The following CYTH1 variants were observed in gnomAD, a reference collection of about 807,000 sequenced individuals.
The protein encoded by CYTH1 is cytohesin 1, also known as cytohesin-1.
A neutral mutation model predicts 61.8 loss-of-function variants in CYTH1; 18 were observed. The ratio of observed to expected loss-of-function variants is 0.29; its 90% CI spans 0.20 to 0.43. CYTH1 has a LOEUF of 0.43. Ranked by LOEUF, CYTH1 falls within the 20% of genes least tolerant of loss-of-function variation. CYTH1 has a pLI of 1.00. For missense variants in CYTH1, 336 were observed against 510.5 expected (o/e 0.66, Z 3.29); for synonymous variants, 174 against 184.3 (o/e 0.94, Z 0.45).
intron 1 of CYTH1, among the ~76,000 whole-genome samples, chr17:78,748,758 C>T (rs2093368606): frequency 6.6e-6 from 1 of 152,120 alleles, no homozygotes; most frequent in South Asian, 2.1e-4. Flanking sequence ...GCTTTTGTCC[C>T]TTGTTGCTTT....
At chr17:78,752,708 C>T (rs776581552) in intron 1 of CYTH1, among the ~76,000 whole-genome samples, 1 of 152,160 alleles carries the variant, frequency 6.6e-6, no homozygotes, top group Non-Finnish European at 1.5e-5. Flanking sequence ...AGATTACAGG[C>T]GTGAGCCACT....
chr17:78,721,865 G>C (rs2144539839), intron 1 of CYTH1, among the ~76,000 whole-genome samples: 1 of 152,192 alleles, frequency 6.6e-6, no homozygotes, highest in Middle Eastern at 3.4e-3. Context: ...CCAACACGGT[G>C]AAAAACCCCA....
rs369284044 is a variant in CYTH1, at chr17:78,737,501, A to G, written c.23-27769T>C. Among the ~76,000 whole-genome samples the G allele has an allele frequency of 9.2e-5, 14 of 152,070 alleles. No individual in the cohort carries two copies. In the East Asian group the frequency reaches 2.7e-3, roughly 29 times the overall value. ...CATTAAAATCCCTGGTCCCCTCACA[A>G]TGAGATAATAGCCCATTTCCCAAGA... On this transcript the variant is annotated intron_variant, in intron 1 of 13. Coordinates refer to ENST00000446868, the MANE Select transcript of CYTH1 (RefSeq NM_004762.6).
chr17:78,780,528 A>G (rs2093512763), intron 1 of CYTH1, among the ~76,000 whole-genome samples: 1 of 152,026 alleles, frequency 6.6e-6, no homozygotes, highest in Admixed American at 6.6e-5. Flanking sequence ...AAACACAACA[A>G]AACAAACAAC....
In CYTH1 at chr17:78,676,135, G is replaced by C. The variant is rs2092695865; in HGVS notation, c.1153C>G (p.Leu385Val). 1.2e-6 allele frequency: 2 copies of C among 1,611,206 alleles called. No homozygotes were observed. Among genetic ancestry groups the C allele is most frequent in the Admixed American group, 1.7e-5 (1 of 59,554 alleles). ...AISRDPFYEM[L>V]AARKKKVSST... ...GAGACCTTCTTTTTCCGTGCTGCGA[G>C]CATTTCGTAGAAAGGGTCCCTGCTG... The change falls in exon 14 of 14, where the codon CTC (leucine) becomes GTC (valine). Residue 385 changes from leucine to valine, a missense_variant. Physicochemically the swap from Leu to Val is conservative, Grantham distance 32. Around this residue, in one of 4 missense-constraint regions of CYTH1, gnomAD observed 83 missense variants for 115.6 expected, o/e 0.72. Coordinates refer to ENST00000446868, the MANE Select transcript of CYTH1 (RefSeq NM_004762.6).
chr17:78,680,439 C>A, intron 12 of CYTH1, 95 bp from the exon 13 acceptor site: 4 of 1,347,838 alleles, frequency 3.0e-6, no homozygotes, highest in Non-Finnish European at 3.0e-6. Flanking sequence ...TTTCTTCTGA[C>A]CTTCACAAAA....
At chr17:78,686,279 A>G (rs1034689569) in intron 11 of CYTH1, among the ~76,000 whole-genome samples, 9 of 152,276 alleles carry the variant, frequency 5.9e-5, no homozygotes, top group African/African-American at 2.2e-4. Context: ...TAAAGTTTTA[A>G]CTTACCTTTA....
chr17:78,711,921 AT>A (rs1335402467), intron 1 of CYTH1, among the ~76,000 whole-genome samples: 2 of 151,860 alleles, frequency 1.3e-5, no homozygotes, highest in Admixed American at 1.3e-4. Context: ...ACTAAAAAAA[AT>A]ACAAAAATTA....
chr17:78,776,357 C>G (rs1453890046), intron 1 of CYTH1, among the ~76,000 whole-genome samples: 2 of 151,954 alleles, frequency 1.3e-5, no homozygotes, highest in Non-Finnish European at 2.9e-5. Context: ...GAAATATATA[C>G]TGGCAACAGT....
chr17:78,740,878 G>T (rs1056125326), intron 1 of CYTH1, among the ~76,000 whole-genome samples: 4 of 152,054 alleles, frequency 2.6e-5, no homozygotes, highest in Non-Finnish European at 5.9e-5. Context: ...AGATTACTAC[G>T]TATTTATTTA....
At chr17:78,718,265 A>G (rs1274353323) in intron 1 of CYTH1, among the ~76,000 whole-genome samples, 1 of 138,468 alleles carries the variant, frequency 7.2e-6, no homozygotes, top group South Asian at 2.4e-4. Context: ...ACACACACAC[A>G]CACGCTCCTT....
At position 78,676,167 on chromosome 17, in the gene CYTH1, G is replaced by C. The variant is rs202219559; in HGVS notation, c.1121C>G (p.Ala374Gly). The C allele has an allele frequency of 3.5e-5, 57 of 1,607,114 alleles. No individual in the cohort carries two copies. In the East Asian group the frequency reaches 1.3e-3, roughly 36 times the overall value. Residue 374 changes from alanine (A) to glycine (G), a missense_variant and splice_region_variant, in exon 14 of 14, where the codon GCA becomes GGA. By Grantham distance (60) the Ala-to-Gly change is moderately conservative (BLOSUM62 0). Transcript: ENST00000446868. The part of the protein sequence containing the change: ...EKEEWIKCIK[A>G]AISRDPFYEM... ...GTAGAAAGGGTCCCTGCTGATGGCT[G>C]CTCTGGAGCACAGAAAAGGGAGAAA...
At position 78,677,263 on chromosome 17, in the gene CYTH1, A is replaced by T; in HGVS notation, c.1119-1094T>A. 8.2e-6 allele frequency: 3 copies of T among 366,910 alleles called. 1 individual carries two copies. The highest frequency in any genetic ancestry group is 6.0e-5 in the South Asian group (3 of 49,696). The allele number at this position is 366,910 out of a possible 1,614,324, so 22.7% of individuals were successfully genotyped here. A position where few individuals can be genotyped will look rare whatever the true frequency, so the allele number is the denominator to read the frequency against. The stretch of plus-strand genomic sequence containing the variant: ...GTGAATCTCCCTTGGCTTCCTGGGT[A>T]GGCCAACCCTTTCGGGTAAGCTGGG... On this transcript the variant is annotated intron_variant, in intron 13 of 13. Coordinates refer to ENST00000446868, the MANE Select transcript of CYTH1 (RefSeq NM_004762.6).
chr17:78,770,435 T>TTTGTC, intron 1 of CYTH1, among the ~76,000 whole-genome samples: 1 of 151,826 alleles, frequency 6.6e-6, no homozygotes, highest in African/African-American at 2.4e-5. Context: ...TTTGTTTTGT[T>TTTGTC]TGAGACGGAG....
At chr17:78,743,074 TA>T (rs1683937029) in intron 1 of CYTH1, among the ~76,000 whole-genome samples, 1 of 152,084 alleles carries the variant, frequency 6.6e-6, no homozygotes, top group African/African-American at 2.4e-5. Flanking sequence ...CCTTGGCACT[TA>T]AAAAAAGTAA....
chr17:78,738,577 CTCT>C (rs1322541885), intron 1 of CYTH1, among the ~76,000 whole-genome samples: 1 of 151,912 alleles, frequency 6.6e-6, no homozygotes, highest in Non-Finnish European at 1.5e-5. Context: ...TCATCACATT[CTCT>C]TCTTTCTTGC....
At chr17:78,739,525 G>A (rs528596875) in intron 1 of CYTH1, among the ~76,000 whole-genome samples, 1 of 152,282 alleles carries the variant, frequency 6.6e-6, no homozygotes, top group East Asian at 1.9e-4. Flanking sequence ...GTAGGGAGGA[G>A]TGGAAGATAT....
Position 78,717,224 on chromosome 17 carries a change from C to T in CYTH1, c.23-7492G>A, listed in dbSNP as rs2093188600. Among the ~76,000 whole-genome samples the T allele has an allele frequency of 6.6e-6, 1 of 152,146 alleles. No homozygotes were observed. Among genetic ancestry groups the T allele is most frequent in the African/African-American group, 2.4e-5 (1 of 41,426 alleles). ...GCCGGCAGCCTGAGCACAATGGAGA[C>T]AAACCAGAGGGGGAGCCGCCCTGAC... is the stretch of plus-strand genomic sequence containing the variant. On this transcript the variant is annotated intron_variant, in intron 1 of 13. Coordinates refer to ENST00000446868, the MANE Select transcript of CYTH1 (RefSeq NM_004762.6). The surrounding 1 kb of genome is among the most constrained non-coding windows in gnomAD (Gnocchi z 4.4).
chr17:78,751,591 A>C (rs77937234), intron 1 of CYTH1, among the ~76,000 whole-genome samples: 1 of 152,326 alleles, frequency 6.6e-6, no homozygotes, highest in African/African-American at 2.4e-5. Flanking sequence ...GTGTACACTG[A>C]GCAAACTGCA....
Sources: gnomAD v4.1 joint callset for allele counts (sites outside exome capture counted in the v4.1 genomes callset) on GRCh38, gnomAD v4.1.1 for gene constraint, gnomAD v4.1.1 regional missense constraint, Gnocchi (gnomAD v3.1) non-coding constraint, MANE v1.5 for transcripts, NCBI Gene and HGNC (gene_info 2026-07-23, HGNC 2026-07-21) for gene names.